Variants in AFF1 observed in about 807,000 individuals in gnomAD.
AFF1 encodes AF4/FMR2 family member 1.
A neutral mutation model predicts 121.7 loss-of-function variants in AFF1; 48 were observed. That is an observed-to-expected ratio of 0.39 (90% CI 0.31 to 0.50). The LOEUF is 0.50. AFF1 is among the 20% of genes least tolerant of loss of function. AFF1 has a pLI of 0.76. For missense variants in AFF1, 1,523 were observed against 1,511.7 expected (o/e 1.01, Z -0.12); for synonymous variants, 613 against 563.0 (o/e 1.09, Z -1.26).
At chr4:86,999,915 G>A (rs1725549364) in intron 2 of AFF1, among the ~76,000 whole-genome samples, 3 of 152,104 alleles carry the variant, frequency 2.0e-5, no homozygotes, top group African/African-American at 7.2e-5. Flanking sequence ...CTGGGACTAG[G>A]GTAGAGAAAA....
At chr4:87,088,881 G>A (rs1724008915) in intron 5 of AFF1, among the ~76,000 whole-genome samples, 1 of 152,180 alleles carries the variant, frequency 6.6e-6, no homozygotes. Context: ...GAGTAGCTGG[G>A]ATTACAGGCA....
At chr4:87,074,874 C>A (rs1361746966) in intron 4 of AFF1, among the ~76,000 whole-genome samples, 1 of 152,324 alleles carries the variant, frequency 6.6e-6, no homozygotes. Flanking sequence ...TACAATTATA[C>A]ATGTGGACAA....
chr4:87,019,884 C>CGGGGGTGGGGGGGGGGGGG (rs1727711982), intron 2 of AFF1, among the ~76,000 whole-genome samples: 1 of 82,534 alleles, frequency 1.2e-5, no homozygotes, highest in Non-Finnish European at 2.6e-5. Flanking sequence ...CTGAAGGGGT[C>CGGGGGTGGGGGGGGGGGGG]GGGGGGGGGC....
At chr4:86,962,788 C>T (rs1390084562) in intron 2 of AFF1, among the ~76,000 whole-genome samples, 1 of 152,150 alleles carries the variant, frequency 6.6e-6, no homozygotes. Flanking sequence ...GTAGGTGACA[C>T]TATGAATTAA....
intron 2 of AFF1, among the ~76,000 whole-genome samples, chr4:86,999,765 C>T (rs958825745): frequency 2.0e-5 from 3 of 152,076 alleles, no homozygotes; most frequent in African/African-American, 7.2e-5. Flanking sequence ...CTGCAGAGAG[C>T]CTTTCATGGG....
intron 8 of AFF1, among the ~76,000 whole-genome samples, chr4:87,100,930 A>G (rs999350514): frequency 1.4e-4 from 21 of 152,258 alleles, no homozygotes; most frequent in African/African-American, 4.6e-4. Context: ...CACTTCGTCC[A>G]TGGAGTTTAA....
chr4:87,030,234 G>T (rs1728936535), intron 2 of AFF1, among the ~76,000 whole-genome samples: 1 of 152,118 alleles, frequency 6.6e-6, no homozygotes, highest in Non-Finnish European at 1.5e-5. Flanking sequence ...AAATATTTTA[G>T]GCTTTGCAGC....
intron 2 of AFF1, among the ~76,000 whole-genome samples, chr4:86,961,841 C>T (rs1722173623): frequency 6.6e-6 from 1 of 152,052 alleles, no homozygotes; most frequent in South Asian, 2.1e-4. Context: ...AAATCAACCT[C>T]TCAACGGTTA....
At chr4:87,040,755 G>A (rs1463731076) in intron 2 of AFF1, among the ~76,000 whole-genome samples, 1 of 150,630 alleles carries the variant, frequency 6.6e-6, no homozygotes, top group Non-Finnish European at 1.5e-5. Flanking sequence ...ATTTTTAGTA[G>A]AGACATAGGG....
intron 4 of AFF1, among the ~76,000 whole-genome samples, chr4:87,072,108 A>G (rs1250382395): frequency 1.3e-5 from 2 of 152,198 alleles, no homozygotes; most frequent in East Asian, 1.9e-4. Flanking sequence ...TCACGCCTGT[A>G]ATCCCAGCAC....
chr4:87,105,966 A>C, intron 10 of AFF1, 121 bp downstream of exon 10: 3 of 1,258,854 alleles, frequency 2.4e-6, no homozygotes, highest in Non-Finnish European at 3.4e-6. Flanking sequence ...GAAGGATCAC[A>C]GTAAAAGGAA....
At chr4:87,112,019 A>G (rs934073833) in intron 11 of AFF1, among the ~76,000 whole-genome samples, 1 of 152,220 alleles carries the variant, frequency 6.6e-6, no homozygotes, top group Non-Finnish European at 1.5e-5. Context: ...TCTAAAGAGC[A>G]TGTCAGGGAT....
intron 2 of AFF1, among the ~76,000 whole-genome samples, chr4:86,964,421 G>C (rs547654025): frequency 6.8e-6 from 1 of 147,282 alleles, no homozygotes; most frequent in South Asian, 2.2e-4. Context: ...AGCCGCCTGG[G>C]TTGTTCTATA....
At chr4:87,079,736 T>G (rs1429790191) in intron 4 of AFF1, among the ~76,000 whole-genome samples, 1 of 152,224 alleles carries the variant, frequency 6.6e-6, no homozygotes, top group East Asian at 1.9e-4. Flanking sequence ...AATTATTTTA[T>G]TTGTAAATAC....
rs139520298 is a variant in AFF1, at chr4:87,097,635, G to A, written c.1283+2666G>A. Reference sequence around the variant, plus strand: ...TTACAGAAGGTAGAAGTAGGACCTAGTGGAAGGGAGGAGAGGTAAGAGTAA... The same window carrying A: ...TTACAGAAGGTAGAAGTAGGACCTAATGGAAGGGAGGAGAGGTAAGAGTAA... On this transcript the variant is annotated intron_variant, in intron 8 of 20. Transcript: ENST00000395146. 1.2e-3 allele frequency among the ~76,000 whole-genome samples: 182 copies of A among 152,336 alleles called. 1 individual carries two copies. Among genetic ancestry groups the A allele is most frequent in the African/African-American group, 4.3e-3 (179 of 41,574 alleles).
intron 4 of AFF1, among the ~76,000 whole-genome samples, chr4:87,071,787 T>C (rs368932228): frequency 2.0e-5 from 3 of 152,328 alleles, no homozygotes; most frequent in East Asian, 3.9e-4. Context: ...ATCTCTTCTC[T>C]GTCACTTAGG....
chr4:87,076,405 A>G (rs1391305366), intron 4 of AFF1, among the ~76,000 whole-genome samples: 1 of 152,250 alleles, frequency 6.6e-6, no homozygotes, highest in South Asian at 2.1e-4. Context: ...GTCAGGGAAC[A>G]TGAAAGTAAT....
intron 2 of AFF1, among the ~76,000 whole-genome samples, chr4:86,958,061 GTCTA>G (rs1384576161): frequency 6.8e-6 from 1 of 146,742 alleles, no homozygotes; most frequent in African/African-American, 2.5e-5. Context: ...CTAATACCTA[GTCTA>G]TCTCTGAACT....
chr4:87,105,992 T>A, intron 10 of AFF1, 147 bp downstream of exon 10: 1 of 1,037,650 alleles, frequency 9.6e-7, no homozygotes, highest in Non-Finnish European at 1.4e-6. Flanking sequence ...CTGTTTAATA[T>A]TTTGGAAGCT....
Sources: allele counts gnomAD v4.1 joint callset (sites outside exome capture counted in the v4.1 genomes callset), GRCh38; gene constraint gnomAD v4.1.1; transcripts MANE v1.5; gene names NCBI Gene and HGNC (gene_info 2026-07-23, HGNC 2026-07-21).